C5: variants seen among roughly 807,000 people sequenced by gnomAD.
C5 encodes the protein complement C5, also known as C3 and PZP-like alpha-2-macroglobulin domain-containing protein 4.
C5 carries 140 observed loss-of-function variants against 218.8 expected under a neutral mutation model. That is an observed-to-expected ratio of 0.64 (90% confidence interval 0.56 to 0.74). The LOEUF (loss-of-function observed/expected upper bound fraction) is 0.74, where lower values mean the gene tolerates loss of function less well. C5 is among the 30% of genes least tolerant of loss of function. The pLI, the probability that C5 is intolerant of heterozygous loss-of-function variation, is 0.00. For synonymous variants in C5, 614 were observed against 682.3 expected (o/e 0.90, Z 1.56); for missense variants, 1,700 against 1,969.6 (o/e 0.86, Z 2.59).
rs41312901 is a variant in C5 at position 120,963,751 on chromosome 9, A to G, written c.4221-13T>C. 100,742 of 1,581,644 alleles carry G rather than the reference A, an allele frequency of 0.064. 3,579 individuals carry two copies. Among genetic ancestry groups the G allele is most frequent in the Non-Finnish European group, 0.069 (79,374 of 1,151,490 alleles). ...GCTGGGCTTGTAGCTAAAATAAAAAAGAGGTTAGAAAATATAATAAATAAG... is the reference window on the plus strand; with the variant it reads ...GCTGGGCTTGTAGCTAAAATAAAAAGGAGGTTAGAAAATATAATAAATAAG... On this transcript the variant is annotated splice_polypyrimidine_tract_variant and intron_variant, in intron 33 of 40. Coordinates refer to ENST00000223642, the MANE Select transcript of C5 (RefSeq NM_001735.3).
Position 120,980,134 on chromosome 9 carries a change from G to C in C5, c.3607C>G (p.Pro1203Ala), listed in dbSNP as rs553037257. Residue 1203 changes from proline to alanine, a missense_variant, in exon 28 of 41, where the codon CCA becomes GCA. Coordinates refer to ENST00000223642, the MANE Select transcript of C5 (RefSeq NM_001735.3). ...GCTGAAACAATTGAACGAAACTGTG[G>C]GTGAGTTTTATCTCCCAGGGAAAGA... ...YALSLGDKTH[P>A]QFRSIVSALK... 3 of 1,613,940 alleles carry C rather than the reference G, an allele frequency of 1.9e-6. No homozygotes were observed. Among genetic ancestry groups the C allele is most frequent in the Admixed American group, 1.7e-5 (1 of 59,998 alleles).
At chr9:120,958,187 T>A (rs1411684008) in intron 38 of C5, among the ~76,000 whole-genome samples, 2 of 152,212 alleles carry the variant, frequency 1.3e-5, no homozygotes, top group African/African-American at 4.8e-5. Context: ...AGGGGCTATG[T>A]AAATTAGTGG....
chr9:121,017,999 T>C (rs2047323127), intron 12 of C5, 147 bp from the exon 13 acceptor site: 1 of 634,800 alleles, frequency 1.6e-6, no homozygotes, highest in Non-Finnish European at 2.8e-6. Context: ...ACACCTGTAA[T>C]CCTAGCACTT....
chr9:121,063,473 C>T, the C5 span, among the ~76,000 whole-genome samples: 1 of 152,018 alleles, frequency 6.6e-6, no homozygotes, highest in Non-Finnish European at 1.5e-5. Flanking sequence ...TTTGATCATA[C>T]TGAAAATATC....
At chr9:121,036,450 G>C (rs1411062107) in intron 4 of C5, among the ~76,000 whole-genome samples, 1 of 152,138 alleles carries the variant, frequency 6.6e-6, no homozygotes. Context: ...GAAGACGTTG[G>C]ATAAAGAGCA....
chr9:120,969,735 G>A (rs1032267655), intron 32 of C5, among the ~76,000 whole-genome samples: 9 of 152,198 alleles, frequency 5.9e-5, no homozygotes, highest in African/African-American at 2.2e-4. Flanking sequence ...GCAGAGAAAT[G>A]TTTATTTTCT....
the C5 span, among the ~76,000 whole-genome samples, chr9:121,070,492 T>G: frequency 1.3e-5 from 2 of 149,122 alleles, no homozygotes; most frequent in Non-Finnish European, 3.0e-5. Context: ...TGTGTGTGTG[T>G]GCGTATTCAT....
At chr9:121,074,631 T>C in the C5 span, 4 of 367,982 alleles carry the variant, frequency 1.1e-5, no homozygotes, top group Non-Finnish European at 2.1e-5. Flanking sequence ...ACACAGGCCC[T>C]GAGAAGCGTG....
chr9:120,981,034 T>A (rs1175718150), intron 27 of C5, among the ~76,000 whole-genome samples: 1 of 152,212 alleles, frequency 6.6e-6, no homozygotes, highest in Non-Finnish European at 1.5e-5. Flanking sequence ...TACTTTTAGA[T>A]CCTAAGAATG....
chr9:121,039,255 A>AC (rs1301294334), intron 3 of C5, among the ~76,000 whole-genome samples: 33 of 152,318 alleles, frequency 2.2e-4, no homozygotes, highest in Non-Finnish European at 4.1e-4. Context: ...CTAGTTTTTA[A>AC]CCCAGTTTGT....
chr9:121,050,110 T>G, intron 1 of C5, 72 bp downstream of exon 1: 1 of 1,176,142 alleles, frequency 8.5e-7, no homozygotes, highest in Non-Finnish European at 1.3e-6. Flanking sequence ...GTTAACAGAA[T>G]CTGTTAAATT....
intron 25 of C5, among the ~76,000 whole-genome samples, chr9:120,987,939 C>T (rs977637727): frequency 6.6e-6 from 1 of 152,036 alleles, no homozygotes; most frequent in Non-Finnish European, 1.5e-5. Context: ...ACTACAGGCA[C>T]ATGCCACTAC....
At chr9:121,065,288 C>T in the C5 span, among the ~76,000 whole-genome samples, 1 of 151,998 alleles carries the variant, frequency 6.6e-6, no homozygotes, top group Non-Finnish European at 1.5e-5. Context: ...GGGAGGAGGA[C>T]ATTAATCCAT....
intron 11 of C5, among the ~76,000 whole-genome samples, chr9:121,020,705 TCAGA>T (rs149593872): frequency 6.6e-6 from 1 of 152,240 alleles, no homozygotes; most frequent in East Asian, 1.9e-4. Flanking sequence ...ATATCTACCC[TCAGA>T]CAGCAGAAGT....
chr9:120,966,327 A>C (rs1425180927), intron 33 of C5, among the ~76,000 whole-genome samples: 1 of 152,234 alleles, frequency 6.6e-6, no homozygotes, highest in Non-Finnish European at 1.5e-5. Context: ...TGAATTTTTG[A>C]TAACAGCTTT....
intron 9 of C5, among the ~76,000 whole-genome samples, 163 bp from the exon 10 acceptor site, chr9:121,023,682 G>C (rs1293333800): frequency 6.6e-6 from 1 of 152,204 alleles, no homozygotes; most frequent in Non-Finnish European, 1.5e-5. Flanking sequence ...TCTTGCTTCA[G>C]AGGGGCACAG....
chr9:121,053,463 G>A (rs1448471941), upstream of C5, among the ~76,000 whole-genome samples: 1 of 152,140 alleles, frequency 6.6e-6, no homozygotes, highest in African/African-American at 2.4e-5. Flanking sequence ...GGGCGGAGGT[G>A]GAGCAAGATG....
chr9:121,008,536 T>A (rs749055707), intron 17 of C5, 38 bp from the exon 18 acceptor site: 2 of 1,425,116 alleles, frequency 1.4e-6, no homozygotes, highest in Non-Finnish European at 2.0e-6. Flanking sequence ...GGAAAAACAA[T>A]ATAAATTCTA....
chr9:121,025,419 TACACACAC>T (rs1173632890), intron 9 of C5, 27 bp downstream of exon 9: 30 of 1,437,288 alleles, frequency 2.1e-5, no homozygotes, highest in East Asian at 5.1e-5. Context: ...AAAGAAAGTA[TACACACAC>T]ACACACACAC....
Sources: allele counts gnomAD v4.1 joint callset (sites outside exome capture counted in the v4.1 genomes callset), GRCh38; gene constraint gnomAD v4.1.1; transcripts MANE v1.5; gene names NCBI Gene and HGNC (gene_info 2026-07-23, HGNC 2026-07-21).